SORBS2: variants seen among roughly 807,000 people sequenced by gnomAD.
SORBS2 encodes the protein sorbin and SH3 domain containing 2.
A neutral mutation model predicts 97.7 loss-of-function variants in SORBS2; 46 were observed. The observed-to-expected ratio is 0.47, with a 90% CI of 0.37 to 0.60. SORBS2 has a LOEUF of 0.60. Ranked by LOEUF, SORBS2 falls within the 20% of genes least tolerant of loss-of-function variation. The probability of loss-of-function intolerance (pLI) is 0.00; values close to 1 mark genes in which losing one functional copy is unlikely to be tolerated. For missense variants in SORBS2, 1,316 were observed against 1,282.3 expected, an observed-to-expected ratio of 1.03 and a Z score of -0.40; for synonymous variants, 476 against 473.4, an observed-to-expected ratio of 1.01 and a Z score of -0.07.
rs1243828120 is a variant in SORBS2, at chr4:185,646,979, G to A, written c.282-197C>T. Among the ~76,000 whole-genome samples, 5 of 151,374 alleles carry A rather than the reference G, an allele frequency of 3.3e-5. 1 individual carries two copies. The highest frequency in any genetic ancestry group is 2.4e-5 in the African/African-American group (1 of 40,998). On this transcript the variant is annotated intron_variant, in intron 3 of 14. Coordinates refer to ENST00000418609, the Ensembl canonical transcript of SORBS2. ...AGTCACATGAGGGGTTTGTAGACGC[G>A]CAGAGAGTGAGTCCCTGGGTTCCTA...
intron 1 of SORBS2, among the ~76,000 whole-genome samples, chr4:185,817,333 G>C (rs1213349772): frequency 6.6e-6 from 1 of 152,166 alleles, no homozygotes; most frequent in African/African-American, 2.4e-5. Context: ...TATTAAACCT[G>C]CAGTGGGGAG....
intron 1 of SORBS2, among the ~76,000 whole-genome samples, chr4:185,946,002 C>G (rs538695785): frequency 5.2e-4 from 79 of 152,248 alleles, no homozygotes; most frequent in Non-Finnish European, 9.0e-4. Flanking sequence ...ACTTTGTAAT[C>G]CATGAGCAAA....
intron 1 of SORBS2, among the ~76,000 whole-genome samples, chr4:185,653,283 A>T (rs1020121622): frequency 1.6e-4 from 25 of 152,226 alleles, no homozygotes; most frequent in African/African-American, 6.0e-4. Context: ...AAATTTAAGA[A>T]TGTAGATATT....
intron 1 of SORBS2, among the ~76,000 whole-genome samples, chr4:185,865,941 C>T (rs1192787921): frequency 1.3e-5 from 2 of 152,140 alleles, no homozygotes; most frequent in Non-Finnish European, 2.9e-5. Context: ...TGTCCACAAA[C>T]TGGTTTCAAA....
chr4:185,620,905 G>T (rs2096710334), intron 7 of SORBS2, among the ~76,000 whole-genome samples: 1 of 152,144 alleles, frequency 6.6e-6, no homozygotes, highest in Non-Finnish European at 1.5e-5. Context: ...AATTATTTTT[G>T]TTCATCTTAA....
At chr4:185,692,215 T>G (rs1001153896) in intron 2 of SORBS2, among the ~76,000 whole-genome samples, 1 of 152,222 alleles carries the variant, frequency 6.6e-6, no homozygotes, top group Non-Finnish European at 1.5e-5. Context: ...ACTTGGCCTT[T>G]GCTCCTGAGT....
chr4:185,861,688 C>T (rs568644715), intron 1 of SORBS2, among the ~76,000 whole-genome samples: 313 of 151,954 alleles, frequency 2.1e-3, no homozygotes, highest in Non-Finnish European at 3.8e-3. Flanking sequence ...TTACTGCAAC[C>T]TCTGCCACCC....
intron 2 of SORBS2, among the ~76,000 whole-genome samples, chr4:185,742,621 C>A (rs1230677931): frequency 6.6e-6 from 1 of 152,180 alleles, no homozygotes; most frequent in Non-Finnish European, 1.5e-5. Flanking sequence ...ACACAGTAAA[C>A]ACTCACATGC....
intron 1 of SORBS2, among the ~76,000 whole-genome samples, chr4:185,805,788 A>G (rs1294414168): frequency 1.3e-5 from 2 of 152,268 alleles, no homozygotes; most frequent in Non-Finnish European, 2.9e-5. Flanking sequence ...CTATAGTGCA[A>G]GAATACGTCT....
chr4:185,679,305 T>C (rs1288610520), intron 2 of SORBS2, among the ~76,000 whole-genome samples: 2 of 152,150 alleles, frequency 1.3e-5, no homozygotes, highest in African/African-American at 2.4e-5. Context: ...GTCTACCATA[T>C]CATGTGACAT....
At chr4:185,822,403 G>A (rs1188645773) in intron 1 of SORBS2, among the ~76,000 whole-genome samples, 1 of 152,252 alleles carries the variant, frequency 6.6e-6, no homozygotes, top group African/African-American at 2.4e-5. Context: ...CATCAGGAGA[G>A]ATGGCACAGC....
chr4:185,762,486 G>T (rs1281639590), intron 2 of SORBS2, among the ~76,000 whole-genome samples: 1 of 150,958 alleles, frequency 6.6e-6, no homozygotes, highest in African/African-American at 2.4e-5. Context: ...TAACTTTAAG[G>T]TTGGGCAAAA....
chr4:185,633,198 T>A (rs1367389076), intron 4 of SORBS2, among the ~76,000 whole-genome samples: 4 of 152,200 alleles, frequency 2.6e-5, no homozygotes, highest in Admixed American at 1.3e-4. Context: ...AAATCTATGT[T>A]ATTCATGGTA....
intron 1 of SORBS2, among the ~76,000 whole-genome samples, chr4:185,897,541 T>G (rs1046920228): frequency 6.6e-6 from 1 of 152,222 alleles, no homozygotes; most frequent in East Asian, 1.9e-4. Context: ...AATTTGTACA[T>G]CTTTTCTCAA....
intron 1 of SORBS2, among the ~76,000 whole-genome samples, chr4:185,924,517 A>G (rs140594050): frequency 6.6e-6 from 1 of 152,370 alleles, no homozygotes; most frequent in African/African-American, 2.4e-5. Context: ...GGTCCACCCA[A>G]ACAAGGCAAT....
intron 1 of SORBS2, among the ~76,000 whole-genome samples, chr4:185,820,810 A>G (rs1352240793): frequency 1.3e-5 from 2 of 152,232 alleles, no homozygotes; most frequent in African/African-American, 4.8e-5. Context: ...TATAAACTGC[A>G]GGACGGCAGA....
chr4:185,786,009 T>C (rs943147144), intron 1 of SORBS2, among the ~76,000 whole-genome samples: 1 of 152,216 alleles, frequency 6.6e-6, no homozygotes, highest in Non-Finnish European at 1.5e-5. Context: ...AAAAAAATTA[T>C]TTGCAAATTG....
At chr4:185,748,565 G>A (rs564133443) in intron 2 of SORBS2, among the ~76,000 whole-genome samples, 24 of 152,262 alleles carry the variant, frequency 1.6e-4, no homozygotes, top group African/African-American at 5.5e-4. Context: ...GAGGCCTCAC[G>A]AGCAATTTTA....
intron 7 of SORBS2, among the ~76,000 whole-genome samples, chr4:185,620,866 T>A (rs2153419985): frequency 6.6e-6 from 1 of 152,364 alleles, no homozygotes; most frequent in Middle Eastern, 3.4e-3. Flanking sequence ...AAGCATCATG[T>A]CAGTTGCCAA....
Sources: gnomAD v4.1 joint callset for allele counts (sites outside exome capture counted in the v4.1 genomes callset) on GRCh38, gnomAD v4.1.1 for gene constraint, MANE v1.5 for transcripts, NCBI Gene and HGNC (gene_info 2026-07-23, HGNC 2026-07-21) for gene names.